The following CDC42BPB variants were observed in gnomAD, a reference collection of about 807,000 sequenced individuals.
CDC42BPB encodes CDC42 binding protein kinase beta.
CDC42BPB carries 37 observed loss-of-function variants against 214.9 expected under a neutral mutation model. The ratio of observed to expected loss-of-function variants is 0.17; its 90% CI spans 0.13 to 0.23. The LOEUF is 0.23. Ranked by LOEUF, CDC42BPB falls within the 10% of genes least tolerant of loss-of-function variation. The pLI is 1.00. For synonymous variants in CDC42BPB, 931 were observed against 884.0 expected (o/e 1.05, Z -0.94); for missense variants, 1,694 against 2,227.0 (o/e 0.76, Z 4.82).
Position 102,975,810 on chromosome 14 carries a change from G to C in CDC42BPB, c.1388-7C>G. 6.2e-7 allele frequency: 1 copy of C among 1,614,182 alleles called. No homozygotes were observed. Among genetic ancestry groups the C allele is most frequent in the Non-Finnish European group, 8.5e-7 (1 of 1,180,016 alleles). On this transcript the variant is annotated splice_region_variant and splice_polypyrimidine_tract_variant and intron_variant, in intron 10 of 36. Transcript: ENST00000361246. Reference sequence around the variant, plus strand: ...TGCACGGTCTGGGTGGACTCTGAGGGATGGAGAGACAGCGTGAGGTGCAGC... The same window carrying C: ...TGCACGGTCTGGGTGGACTCTGAGGCATGGAGAGACAGCGTGAGGTGCAGC...
At position 102,972,000 on chromosome 14, in the gene CDC42BPB, C is replaced by T. The variant is rs1168668004; in HGVS notation, c.1803G>A (p.Lys601=). ...GCGTGGCCACCTCCATCTCCTCCTC[C>T]TTGTCTCGCAGCTGCCGGGACACCT... is the stretch of plus-strand genomic sequence containing the variant. ...KQKVSRQLRD[K]EEEMEVATQK... The change falls in exon 13 of 37, where the codon AAG becomes AAA. Residue 601 remains lysine, a synonymous_variant. Transcript: ENST00000361246. 15 of 1,614,068 alleles carry T rather than the reference C, an allele frequency of 9.3e-6. No homozygotes were observed. Among genetic ancestry groups the T allele is most frequent in the Non-Finnish European group, 1.2e-5 (14 of 1,179,988 alleles).
chr14:102,998,474 G>A (rs1894838517), intron 5 of CDC42BPB, among the ~76,000 whole-genome samples: 1 of 152,158 alleles, frequency 6.6e-6, no homozygotes, highest in African/African-American at 2.4e-5. Context: ...AAATTATCTT[G>A]TAATAAAAAT....
intron 1 of CDC42BPB, among the ~76,000 whole-genome samples, chr14:103,023,353 A>G (rs1472237327): frequency 6.6e-6 from 1 of 151,886 alleles, no homozygotes; most frequent in Admixed American, 6.6e-5. Context: ...TTTTTAGTAG[A>G]GACGGGTTTC....
At chr14:102,939,244 C>T in intron 34 of CDC42BPB, among the ~76,000 whole-genome samples, 1 of 152,204 alleles carries the variant, frequency 6.6e-6, no homozygotes, top group East Asian at 1.9e-4. Flanking sequence ...CAGCCAAAAA[C>T]ATACTTCTTA....
chr14:103,029,698 T>C (rs1382989729), intron 1 of CDC42BPB, among the ~76,000 whole-genome samples: 1 of 146,608 alleles, frequency 6.8e-6, no homozygotes, highest in African/African-American at 2.5e-5. Context: ...CTACTAAAAA[T>C]ACAAAAAAAA....
At chr14:102,970,513 T>C (rs113048216) in intron 13 of CDC42BPB, 928 of 323,030 alleles carry the variant, frequency 2.9e-3, no homozygotes, top group Admixed American at 4.8e-3. Flanking sequence ...AGGATACATT[T>C]CTTGAAATTT....
chr14:103,053,543 C>T (rs574754229), intron 1 of CDC42BPB, among the ~76,000 whole-genome samples: 95 of 151,842 alleles, frequency 6.3e-4, no homozygotes, highest in Middle Eastern at 6.8e-3. Context: ...GGGCAGATCA[C>T]GAGGTCTGGA....
intron 11 of CDC42BPB, among the ~76,000 whole-genome samples, chr14:102,975,261 T>C (rs578239637): frequency 2.9e-4 from 44 of 152,336 alleles, no homozygotes; most frequent in African/African-American, 9.4e-4. Context: ...CAGTGGCTCA[T>C]GCTTGTAATT....
intron 18 of CDC42BPB, 180 bp from the exon 19 acceptor site, chr14:102,964,830 C>T (rs1893122631): frequency 1.1e-6 from 1 of 887,700 alleles, no homozygotes; most frequent in South Asian, 5.2e-5. Context: ...TTTTTTTACT[C>T]TTCCTCAGAA....
Position 102,980,988 on chromosome 14 carries a change from C to T in CDC42BPB, c.925G>A (p.Val309Ile), listed in dbSNP as rs776272982. 8 of 1,614,068 alleles carry T rather than the reference C, an allele frequency of 5.0e-6. No individual in the cohort carries two copies. In the East Asian group the frequency reaches 1.6e-4, roughly 31 times the overall value. Residue 309 changes from valine (V) to isoleucine (I), a missense_variant, in exon 8 of 37, where the codon GTA becomes ATA. Coordinates refer to ENST00000361246, the MANE Select transcript of CDC42BPB (RefSeq NM_006035.4). ...RFQFPSHVTD[V>I]SEEAKDLIQR... ...ATGAGGTCCTTCGCTTCTTCAGATA[C>T]ATCCGTGACATGGGATGGGAACTGG...
chr14:102,950,441 T>C (rs1208210921), intron 25 of CDC42BPB, 25 bp downstream of exon 25: 4 of 1,611,570 alleles, frequency 2.5e-6, no homozygotes, highest in Non-Finnish European at 3.4e-6. Flanking sequence ...CACCGAGGGC[T>C]GAGGGCGGAG....
chr14:102,963,240 G>A lies in CDC42BPB; in HGVS notation c.2727-85C>T, dbSNP rs1052847614. ...TGGGGCAGGTCAGGATGAGAGAGCCGGGATTTCTCCCCAGCACTCAGGACT... is the reference window on the plus strand; with the variant it reads ...TGGGGCAGGTCAGGATGAGAGAGCCAGGATTTCTCCCCAGCACTCAGGACT... On this transcript the variant is annotated intron_variant, in intron 19 of 36. Transcript: ENST00000361246. 1.3e-5 allele frequency: 20 copies of A among 1,506,080 alleles called. 1 individual carries two copies. Among genetic ancestry groups the A allele is most frequent in the Middle Eastern group, 2.1e-4 (1 of 4,848 alleles). The allele number at this position is 1,506,080 out of a possible 1,614,324, so 93.3% of individuals were successfully genotyped here.
intron 1 of CDC42BPB, among the ~76,000 whole-genome samples, chr14:103,052,755 T>C (rs990155518): frequency 6.6e-6 from 1 of 152,170 alleles, no homozygotes; most frequent in African/African-American, 2.4e-5. Flanking sequence ...GCCTGAGGCC[T>C]CCCTCCTGGT....
Position 102,966,321 on chromosome 14 carries a change from G to C in CDC42BPB, c.2538C>G (p.Leu846=). 1 of 1,613,960 alleles carries C rather than the reference G, an allele frequency of 6.2e-7. No individual in the cohort carries two copies. Among genetic ancestry groups the C allele is most frequent in the Non-Finnish European group, 8.5e-7 (1 of 1,179,920 alleles). Residue 846 remains leucine, a synonymous_variant, in exon 18 of 37, where the codon CTC becomes CTG. Coordinates refer to ENST00000361246, the MANE Select transcript of CDC42BPB (RefSeq NM_006035.4). ...QALASKMTEE[L]EALRSSSLGS... Reference sequence around the variant, plus strand: ...CCAGACTAGAACTCCTCAAAGCCTCGAGCTCTTCGGTCATCTTGGAAGCAA... The same window carrying C: ...CCAGACTAGAACTCCTCAAAGCCTCCAGCTCTTCGGTCATCTTGGAAGCAA...
At position 102,991,991 on chromosome 14, in the gene CDC42BPB, G is replaced by C. The variant is rs566350821; in HGVS notation, c.597-5411C>G. ...ATAAAATGAAGAATTTGGTTCTTTTGTTGCACCAGCCACGTTTTGAGTGCT... is the reference window on the plus strand; with the variant it reads ...ATAAAATGAAGAATTTGGTTCTTTTCTTGCACCAGCCACGTTTTGAGTGCT... On this transcript the variant is annotated intron_variant, in intron 5 of 36. Transcript: ENST00000361246. Among the ~76,000 whole-genome samples the C allele has an allele frequency of 1.6e-3, 249 of 152,270 alleles. 2 individuals carry two copies. The highest frequency in any genetic ancestry group is 5.3e-3 in the African/African-American group (221 of 41,548).
At chr14:103,051,382 T>C (rs536271527) in intron 1 of CDC42BPB, among the ~76,000 whole-genome samples, 2 of 151,068 alleles carry the variant, frequency 1.3e-5, no homozygotes, top group African/African-American at 4.9e-5. Flanking sequence ...TTATGGGTTT[T>C]GGGATGAGAT....
chr14:103,055,133 G>C (rs1410750628), intron 1 of CDC42BPB, among the ~76,000 whole-genome samples: 1 of 152,234 alleles, frequency 6.6e-6, no homozygotes, highest in Non-Finnish European at 1.5e-5. Flanking sequence ...AGAAAGGAAC[G>C]GTAAACAAGC....
intron 11 of CDC42BPB, 47 bp from the exon 12 acceptor site, chr14:102,974,196 A>G (rs764342422): frequency 3.8e-6 from 6 of 1,596,146 alleles, no homozygotes; most frequent in Non-Finnish European, 5.1e-6. Context: ...TGCAATGACT[A>G]TATGTAAACT....
chr14:103,005,228 G>A (rs1895182581), intron 3 of CDC42BPB, among the ~76,000 whole-genome samples: 1 of 150,530 alleles, frequency 6.6e-6, no homozygotes. Flanking sequence ...CCTCTTTATT[G>A]AGCACAGAAC....
Sources: gnomAD v4.1 joint callset for allele counts (sites outside exome capture counted in the v4.1 genomes callset) on GRCh38, gnomAD v4.1.1 for gene constraint, MANE v1.5 for transcripts, NCBI Gene and HGNC (gene_info 2026-07-23, HGNC 2026-07-21) for gene names.